Variants in LDLRAD3 observed in about 807,000 individuals in gnomAD.
The protein encoded by LDLRAD3 is low-density lipoprotein receptor class A domain-containing protein 3.
In LDLRAD3, 20 loss-of-function variants were observed where a neutral mutation model predicts 29.4. The observed-to-expected ratio is 0.68, with a 90% CI of 0.48 to 0.99. The LOEUF (loss-of-function observed/expected upper bound fraction) is 0.99. Among genes scored for constraint, LDLRAD3 ranks in the 50% least tolerant of loss-of-function variants. The pLI is 0.00. For synonymous variants in LDLRAD3, 157 were observed against 192.7 expected, an observed-to-expected ratio of 0.81 and a Z score of 1.53; for missense variants, 420 against 454.3, an observed-to-expected ratio of 0.92 and a Z score of 0.69.
intron 1 of LDLRAD3, among the ~76,000 whole-genome samples, chr11:35,989,411 A>G (rs1851659906): frequency 6.6e-6 from 1 of 152,190 alleles, no homozygotes; most frequent in Non-Finnish European, 1.5e-5. Context: ...TCTGTGGGAA[A>G]TGACATTGGT....
chr11:36,201,020 A>G (rs1855119787), intron 4 of LDLRAD3, among the ~76,000 whole-genome samples: 1 of 152,150 alleles, frequency 6.6e-6, no homozygotes. Context: ...GGAGAAAGAA[A>G]TGTTTTCTGT....
chr11:36,166,878 C>T (rs1034834488), intron 4 of LDLRAD3, among the ~76,000 whole-genome samples: 1 of 152,282 alleles, frequency 6.6e-6, no homozygotes, highest in East Asian at 1.9e-4. Context: ...GATCCAAGCA[C>T]CATTTGAATA....
At chr11:36,142,728 C>T (rs1337676329) in intron 4 of LDLRAD3, among the ~76,000 whole-genome samples, 1 of 152,162 alleles carries the variant, frequency 6.6e-6, no homozygotes, top group Non-Finnish European at 1.5e-5. Flanking sequence ...AAGCCCCCAA[C>T]CCAGCTGCAG....
rs749693649 is a variant in LDLRAD3, at chr11:36,227,207, G to C, written c.577G>C (p.Val193Leu). The C allele has an allele frequency of 6.2e-7, 1 of 1,614,192 alleles. No individual in the cohort carries two copies. The highest frequency in any genetic ancestry group is 1.7e-5 in the Admixed American group (1 of 60,034). The change falls in exon 5 of 6, where the codon GTC (valine) becomes CTC (leucine). Residue 193 changes from valine (V) to leucine (L), a missense_variant. Physicochemically the swap from Val to Leu is conservative, Grantham distance 32. This residue lies in a region of LDLRAD3 where 56 missense variants were observed against 92.2 expected (regional missense o/e 0.61). Transcript: ENST00000315571. The stretch of plus-strand genomic sequence containing the variant: ...GCTGGTGGTGGCCCTGCTGGCACTG[G>C]TCTTGCACCACCAGCGGAAGCGGAA... Reference protein sequence around the residue: ...FVLVVALLALVLHHQRKRNNL... With the variant: ...FVLVVALLALLLHHQRKRNNL...
intron 1 of LDLRAD3, among the ~76,000 whole-genome samples, chr11:36,005,491 C>T (rs1204602614): frequency 1.3e-5 from 2 of 152,338 alleles, no homozygotes; most frequent in Non-Finnish European, 2.9e-5. Context: ...GTCCATGTCA[C>T]GATCAGCATT....
chr11:36,005,605 C>G (rs758316066), intron 1 of LDLRAD3, among the ~76,000 whole-genome samples: 3 of 152,216 alleles, frequency 2.0e-5, no homozygotes, highest in Non-Finnish European at 4.4e-5. Context: ...GCCCATTACC[C>G]AGTTCGAAAG....
intron 1 of LDLRAD3, among the ~76,000 whole-genome samples, chr11:35,975,253 A>G (rs74950484): frequency 0.031 from 4,711 of 152,254 alleles, 269 homozygotes; most frequent in African/African-American, 0.11. Flanking sequence ...TTATGTTCAT[A>G]TTGTTAAATA....
At position 36,027,692 on chromosome 11, in the gene LDLRAD3, G is replaced by A. The variant is rs371198566; in HGVS notation, c.47-8411G>A. Among the ~76,000 whole-genome samples the A allele has an allele frequency of 2.6e-4, 40 of 152,324 alleles. No individual in the cohort carries two copies. In the East Asian group the frequency reaches 6.4e-3, roughly 24 times the overall value. Reference sequence around the variant, plus strand: ...TGCATGGAGCAGAAGAGAGACTATCGAATGGTTCCCAGTGGCTGTGGAAAT... The same window carrying A: ...TGCATGGAGCAGAAGAGAGACTATCAAATGGTTCCCAGTGGCTGTGGAAAT... On this transcript the variant is annotated intron_variant, in intron 1 of 5. Transcript: ENST00000315571.
intron 2 of LDLRAD3, among the ~76,000 whole-genome samples, chr11:36,067,440 A>G (rs1429037958): frequency 2.0e-5 from 3 of 152,226 alleles, no homozygotes; most frequent in Admixed American, 6.5e-5. Flanking sequence ...CAAATATAGT[A>G]TTAACTATCA....
intron 4 of LDLRAD3, among the ~76,000 whole-genome samples, chr11:36,137,593 C>A (rs1247814174): frequency 6.6e-6 from 1 of 152,180 alleles, no homozygotes; most frequent in East Asian, 1.9e-4. Flanking sequence ...GTTGAAGTTT[C>A]ATGAGAACAG....
chr11:36,056,008 T>C (rs1852613861), intron 2 of LDLRAD3, among the ~76,000 whole-genome samples: 1 of 149,420 alleles, frequency 6.7e-6, no homozygotes. Context: ...TTTTTTTTTT[T>C]TTTTGAGACA....
intron 4 of LDLRAD3, among the ~76,000 whole-genome samples, chr11:36,204,014 T>TA (rs5791089): frequency 0.83 from 123,274 of 148,428 alleles, 51,130 homozygotes; most frequent in East Asian, 0.97. Context: ...GCTTTTAGTT[T>TA]AAAAAAAAAA....
intron 2 of LDLRAD3, among the ~76,000 whole-genome samples, chr11:36,059,940 A>G (rs1016758768): frequency 3.9e-5 from 6 of 152,238 alleles, no homozygotes; most frequent in Non-Finnish European, 5.9e-5. Flanking sequence ...AATAGTTTAC[A>G]CTTATGTAAT....
chr11:35,950,820 A>T (rs766269235), intron 1 of LDLRAD3, among the ~76,000 whole-genome samples: 7 of 152,192 alleles, frequency 4.6e-5, no homozygotes, highest in Non-Finnish European at 1.0e-4. Flanking sequence ...GCAGTGACTC[A>T]TGCCTGTAAT....
chr11:36,204,069 G>T (rs891771696), intron 4 of LDLRAD3, among the ~76,000 whole-genome samples: 1 of 151,930 alleles, frequency 6.6e-6, no homozygotes, highest in Non-Finnish European at 1.5e-5. Context: ...TAGCTGACCC[G>T]GGGAGAACCT....
At chr11:36,143,399 A>G (rs1276554373) in intron 4 of LDLRAD3, among the ~76,000 whole-genome samples, 1 of 151,964 alleles carries the variant, frequency 6.6e-6, no homozygotes, top group Non-Finnish European at 1.5e-5. Context: ...GGCTTTGACC[A>G]CTCTCTTTCT....
At chr11:36,153,323 A>G (rs2133329752) in intron 4 of LDLRAD3, among the ~76,000 whole-genome samples, 1 of 152,284 alleles carries the variant, frequency 6.6e-6, no homozygotes, top group South Asian at 2.1e-4. Flanking sequence ...TTGCTGCAGA[A>G]AGCACTTGAG....
At chr11:36,169,446 C>T (rs1383148411) in intron 4 of LDLRAD3, among the ~76,000 whole-genome samples, 3 of 152,194 alleles carry the variant, frequency 2.0e-5, no homozygotes, top group African/African-American at 7.2e-5. Context: ...CCCAGCCTCA[C>T]CCCTGCCACC....
intron 4 of LDLRAD3, among the ~76,000 whole-genome samples, chr11:36,112,608 T>G (rs1054160243): frequency 6.6e-6 from 1 of 152,220 alleles, no homozygotes; most frequent in Non-Finnish European, 1.5e-5. Flanking sequence ...CTAGTCTGTT[T>G]ATCAGCTGGC....
Sources: allele counts gnomAD v4.1 joint callset (sites outside exome capture counted in the v4.1 genomes callset), GRCh38; gene constraint gnomAD v4.1.1; regional missense constraint gnomAD v4.1.1; transcripts MANE v1.5; gene names NCBI Gene and HGNC (gene_info 2026-07-23, HGNC 2026-07-21).